ATP13A5: variants seen among roughly 807,000 people sequenced by gnomAD.
The protein encoded by ATP13A5 is ATPase 13A5.
In ATP13A5, 149 loss-of-function variants were observed where a neutral mutation model predicts 150.2. The ratio of observed to expected loss-of-function variants is 0.99; its 90% confidence interval spans 0.87 to 1.14. The LOEUF is 1.14. ATP13A5 is among the 50% of genes most tolerant of loss of function. The pLI is 0.00. For synonymous variants in ATP13A5, 497 were observed against 522.2 expected (o/e 0.95, Z 0.66); for missense variants, 1,383 against 1,449.3 (o/e 0.95, Z 0.74).
intron 24 of ATP13A5, among the ~76,000 whole-genome samples, chr3:193,299,979 T>C (rs1447882033): frequency 6.6e-6 from 1 of 152,058 alleles, no homozygotes; most frequent in African/African-American, 2.4e-5. Flanking sequence ...AGGTACCAGG[T>C]TAAGGTTCTT....
At chr3:193,275,857 T>C (rs961630206) in intron 29 of ATP13A5, among the ~76,000 whole-genome samples, 2 of 152,232 alleles carry the variant, frequency 1.3e-5, no homozygotes, top group African/African-American at 4.8e-5. Flanking sequence ...ACAATTTTTA[T>C]GTAGCTTTAG....
chr3:193,299,736 G>T (rs1718329567), intron 24 of ATP13A5, among the ~76,000 whole-genome samples: 1 of 152,220 alleles, frequency 6.6e-6, no homozygotes, highest in African/African-American at 2.4e-5. Context: ...GGTTTGTGTA[G>T]ACAGAACTTC....
At position 193,276,733 on chromosome 3, in the gene ATP13A5, T is replaced by C. The variant is rs1416144821; in HGVS notation, c.3396+17A>G. 5.2e-6 allele frequency: 8 copies of C among 1,547,044 alleles called. No individual in the cohort carries two copies. The highest frequency in any genetic ancestry group is 1.8e-5 in the Admixed American group (1 of 54,230). On this transcript the variant is annotated intron_variant, in intron 29 of 29. Transcript: ENST00000342358. ...AATTTGTTTATCTTCCTAGAAAAAA[T>C]ATAGAGATTACTTTACCTCTACAAA...
chr3:193,338,108 C>T (rs559029416), intron 9 of ATP13A5, among the ~76,000 whole-genome samples: 1 of 152,280 alleles, frequency 6.6e-6, no homozygotes, highest in Non-Finnish European at 1.5e-5. Flanking sequence ...GCTGAAGTTG[C>T]TTATCAGCTT....
intron 19 of ATP13A5, chr3:193,313,021 T>C (rs188566648): frequency 1.3e-4 from 20 of 152,290 alleles, no homozygotes; most frequent in Non-Finnish European, 2.5e-4. Flanking sequence ...ATTAAATTCA[T>C]GAATGAGTAG....
At chr3:193,294,608 T>C (rs1718089685) in intron 25 of ATP13A5, among the ~76,000 whole-genome samples, 1 of 152,052 alleles carries the variant, frequency 6.6e-6, no homozygotes, top group East Asian at 1.9e-4. Flanking sequence ...AAATATGTGA[T>C]GGTATTGTCT....
chr3:193,378,599 C>G (rs1713725877), intron 1 of ATP13A5, 64 bp downstream of exon 1: 1 of 1,341,404 alleles, frequency 7.5e-7, no homozygotes, highest in Non-Finnish European at 1.1e-6. Flanking sequence ...TCTAATTCAG[C>G]TGTAGCCCAT....
rs554743528 is a variant in ATP13A5 at position 193,275,140 on chromosome 3, A to G, written c.3559T>C (p.Tyr1187His). 6.2e-7 allele frequency: 1 copy of G among 1,614,190 alleles called. No homozygotes were observed. Among genetic ancestry groups the G allele is most frequent in the South Asian group, 1.1e-5 (1 of 91,088 alleles). ...TGGCTTTCATAGCCTCCGTTGATGTAGAATCCATTTTTGCCATCACCTGAA... is the reference window on the plus strand; with the variant it reads ...TGGCTTTCATAGCCTCCGTTGATGTGGAATCCATTTTTGCCATCACCTGAA... ...DYSGDGKNGF[Y>H]INGGYESHEQ... The change falls in exon 30 of 30, where the codon TAC becomes CAC. Residue 1187 changes from tyrosine to histidine, a missense_variant. Tyr to His is a moderately conservative substitution (Grantham distance 83, BLOSUM62 2). This residue lies in a region of ATP13A5 where 568 missense variants were observed against 621.5 expected (regional missense o/e 0.91). Transcript: ENST00000342358.
intron 5 of ATP13A5, among the ~76,000 whole-genome samples, chr3:193,355,754 A>G (rs1383214278): frequency 1.3e-5 from 2 of 152,144 alleles, no homozygotes; most frequent in Non-Finnish European, 2.9e-5. Flanking sequence ...CCATTTCAGT[A>G]CTCAGGACTC....
At position 193,333,761 on chromosome 3, in the gene ATP13A5, T is replaced by C. The variant is rs774400704; in HGVS notation, c.1261A>G (p.Met421Val). 1.5e-5 allele frequency: 24 copies of C among 1,613,568 alleles called. No homozygotes were observed. Among genetic ancestry groups the C allele is most frequent in the Non-Finnish European group, 1.9e-5 (23 of 1,179,752 alleles). The change falls in exon 11 of 30, where the codon ATG (methionine) becomes GTG (valine). Residue 421 changes from methionine to valine, a missense_variant. Physicochemically the swap from Met to Val is conservative, Grantham distance 21. Around this residue, in one of 3 missense-constraint regions of ATP13A5, gnomAD observed 787 missense variants for 771.9 expected, o/e 1.02. Coordinates refer to ENST00000342358, the MANE Select transcript of ATP13A5 (RefSeq NM_198505.4). ...MGFFYALGVY[M>V]YHGVPPKDTV... ...CCCCCAGTACTTACTCCATGGTACA[T>C]ATATACCCCTAGGGCATAGAAAAAA...
At chr3:193,333,105 T>C (rs938700790) in intron 11 of ATP13A5, among the ~76,000 whole-genome samples, 7 of 151,600 alleles carry the variant, frequency 4.6e-5, no homozygotes, top group African/African-American at 1.5e-4. Flanking sequence ...CTATGTCTTT[T>C]CCCACCAATA....
chr3:193,337,478 C>A (rs1012182862), intron 9 of ATP13A5, among the ~76,000 whole-genome samples: 9 of 152,132 alleles, frequency 5.9e-5, no homozygotes, highest in African/African-American at 2.2e-4. Context: ...TTCCCAGCAC[C>A]ATTTATTAAA....
chr3:193,310,418 GT>G (rs1375066773), intron 21 of ATP13A5, among the ~76,000 whole-genome samples: 1 of 152,196 alleles, frequency 6.6e-6, no homozygotes, highest in East Asian at 1.9e-4. Context: ...TGGTAGTTCT[GT>G]TTTAGCTCTT....
intron 22 of ATP13A5, among the ~76,000 whole-genome samples, 155 bp from the exon 23 acceptor site, chr3:193,305,823 C>T (rs1209288871): frequency 3.3e-5 from 5 of 151,948 alleles, no homozygotes; most frequent in African/African-American, 1.2e-4. Context: ...CTGGAGTGCC[C>T]TCTCTCCCCT....
Position 193,368,392 on chromosome 3 carries a change from T to TTGTGTGTGTGTGTGTGTG in ATP13A5, c.64-4130_64-4113dup, listed in dbSNP as rs1286543236. Among the ~76,000 whole-genome samples the TTGTGTGTGTGTGTGTGTG allele has an allele frequency of 8.2e-3, 1,208 of 147,332 alleles. 15 individuals carry two copies. Among genetic ancestry groups the TTGTGTGTGTGTGTGTGTG allele is most frequent in the Middle Eastern group, 0.024 (7 of 292 alleles). ...AATCCAATTTAAAATCTCTTCAGACTTGTGTGTGTGTGTGTGTGTGTGTGT... is the reference window on the plus strand; with the variant it reads ...AATCCAATTTAAAATCTCTTCAGACTTGTGTGTGTGTGTGTGTGTGTGTGTGTGTGTGTGTGTGTGTGT... On this transcript the variant is annotated intron_variant, in intron 1 of 29. Transcript: ENST00000342358.
intron 25 of ATP13A5, among the ~76,000 whole-genome samples, chr3:193,291,317 T>C (rs1717945127): frequency 6.6e-6 from 1 of 152,100 alleles, no homozygotes; most frequent in African/African-American, 2.4e-5. Context: ...GAGAAGGACA[T>C]TCCACCTGCC....
At chr3:193,289,095 T>G (rs1043286692) in intron 26 of ATP13A5, among the ~76,000 whole-genome samples, 2 of 152,218 alleles carry the variant, frequency 1.3e-5, no homozygotes, top group Admixed American at 6.5e-5. Flanking sequence ...GTTTTCAATC[T>G]GTTTTACTGA....
intron 14 of ATP13A5, 89 bp from the exon 15 acceptor site, chr3:193,322,663 T>G: frequency 1.1e-6 from 1 of 926,972 alleles, no homozygotes; most frequent in Non-Finnish European, 1.7e-6. Flanking sequence ...TTTAATCTTT[T>G]CAAAGCCATT....
At chr3:193,355,260 A>G (rs915745473) in intron 5 of ATP13A5, among the ~76,000 whole-genome samples, 4 of 152,176 alleles carry the variant, frequency 2.6e-5, no homozygotes, top group African/African-American at 9.7e-5. Flanking sequence ...CAGAGTTGAC[A>G]GTGTCAGAAA....
Sources: allele counts gnomAD v4.1 joint callset (sites outside exome capture counted in the v4.1 genomes callset), GRCh38; gene constraint gnomAD v4.1.1; regional missense constraint gnomAD v4.1.1; transcripts MANE v1.5; gene names NCBI Gene and HGNC (gene_info 2026-07-23, HGNC 2026-07-21).